PIK3R1: variants seen among roughly 807,000 people sequenced by gnomAD.
PIK3R1 encodes phosphoinositide-3-kinase regulatory subunit 1.
A neutral mutation model predicts 98.0 loss-of-function variants in PIK3R1; 29 were observed. The observed-to-expected ratio is 0.30, with a 90% CI of 0.22 to 0.40. PIK3R1 has a LOEUF of 0.40. Ranked by LOEUF, PIK3R1 falls within the 10% of genes least tolerant of loss-of-function variation. The probability of loss-of-function intolerance (pLI) is 1.00; values close to 1 mark genes in which losing one functional copy is unlikely to be tolerated. For missense variants in PIK3R1, 596 were observed against 872.7 expected, an observed-to-expected ratio of 0.68 and a Z score of 3.99; for synonymous variants, 282 against 311.8, an observed-to-expected ratio of 0.90 and a Z score of 1.01.
Position 68,301,420 on chromosome 5 carries a change from A to ATG in PIK3R1, c.*3820_*3821insGT, listed in dbSNP as rs1395079558. 9.7e-6 allele frequency: 1 copy of ATG among 102,954 alleles called. No homozygotes were observed. Among genetic ancestry groups the ATG allele is most frequent in the Admixed American group, 1.0e-4 (1 of 9,888 alleles). The allele number at this position is 102,954 out of a possible 1,614,324, so 6.4% of individuals were successfully genotyped here. A position where few individuals can be genotyped will look rare whatever the true frequency, so the allele number is the denominator to read the frequency against. ...TATATATATATATATATATATATATATATATATATATATGTGTGTGTATAT... is the reference window on the plus strand; with the variant it reads ...TATATATATATATATATATATATATATGTATATATATATATGTGTGTGTATAT... On this transcript the variant is annotated 3_prime_UTR_variant, in exon 16 of 16. Transcript: ENST00000521381.
At chr5:68,254,836 CTTTTTTTTT>C (rs66853734) in intron 2 of PIK3R1, among the ~76,000 whole-genome samples, 2 of 148,468 alleles carry the variant, frequency 1.3e-5, no homozygotes, top group East Asian at 2.0e-4. Flanking sequence ...TTCTTTTTTT[CTTTTTTTTT>C]TTTATGATGC....
chr5:68,294,450 T>C (rs930184919), intron 11 of PIK3R1, 86 bp from the exon 12 acceptor site: 3 of 966,642 alleles, frequency 3.1e-6, no homozygotes, highest in Admixed American at 2.7e-5. Flanking sequence ...CTGCTAATAA[T>C]ACAGATCAAA....
intron 7 of PIK3R1, among the ~76,000 whole-genome samples, chr5:68,289,726 C>T (rs1452252116): frequency 7.9e-6 from 1 of 125,978 alleles, no homozygotes; most frequent in African/African-American, 3.0e-5. Flanking sequence ...ATATTTGTCC[C>T]GGAGTGAGGC....
intron 2 of PIK3R1, among the ~76,000 whole-genome samples, chr5:68,255,995 G>A (rs1745501011): frequency 6.6e-6 from 1 of 152,180 alleles, no homozygotes; most frequent in African/African-American, 2.4e-5. Flanking sequence ...AAAGGAGTGG[G>A]ATGCTGAATT....
chr5:68,229,228 A>T (rs989306076), intron 2 of PIK3R1, among the ~76,000 whole-genome samples: 2 of 152,228 alleles, frequency 1.3e-5, no homozygotes, highest in Admixed American at 1.3e-4. Context: ...GCGAGAATTC[A>T]ATAGCTCCTA....
At chr5:68,261,978 T>C (rs1304053830) in intron 2 of PIK3R1, among the ~76,000 whole-genome samples, 2 of 152,050 alleles carry the variant, frequency 1.3e-5, no homozygotes, top group Non-Finnish European at 2.9e-5. Context: ...GACTCTGAGA[T>C]GATAATGCAG....
At chr5:68,295,121 T>C (rs1264411216) in intron 12 of PIK3R1, 27 bp from the exon 13 acceptor site, 3 of 1,603,372 alleles carry the variant, frequency 1.9e-6, no homozygotes, top group Non-Finnish European at 2.6e-6. Context: ...ACCCAGATAA[T>C]AACAAATACG....
intron 2 of PIK3R1, among the ~76,000 whole-genome samples, chr5:68,241,984 C>T (rs1025782100): frequency 6.6e-6 from 1 of 152,196 alleles, no homozygotes; most frequent in African/African-American, 2.4e-5. Context: ...TGTATCAAAT[C>T]AGAGACTTAT....
At chr5:68,224,412 T>A (rs1402878195) in intron 1 of PIK3R1, among the ~76,000 whole-genome samples, 4 of 152,228 alleles carry the variant, frequency 2.6e-5, no homozygotes, top group Non-Finnish European at 5.9e-5. Context: ...TAGAGTACTA[T>A]CCCCAATTAA....
chr5:68,269,559 AAATTTGGT>A (rs1746263155), intron 2 of PIK3R1, among the ~76,000 whole-genome samples: 2 of 152,190 alleles, frequency 1.3e-5, no homozygotes, highest in Admixed American at 1.3e-4. Flanking sequence ...ACACCTTGCC[AAATTTGGT>A]AATTCCTAGC....
chr5:68,235,283 A>G (rs898479704), intron 2 of PIK3R1, among the ~76,000 whole-genome samples: 4 of 151,958 alleles, frequency 2.6e-5, no homozygotes, highest in African/African-American at 7.3e-5. Context: ...CATGCCTGTA[A>G]TCCCAGCTAC....
chr5:68,295,100 G>A (rs555084644), intron 12 of PIK3R1, 48 bp from the exon 13 acceptor site: 42 of 1,522,504 alleles, frequency 2.8e-5, no homozygotes, highest in Middle Eastern at 1.8e-4. Context: ...TTTGGGGACC[G>A]TTCCTGATGT....
intron 7 of PIK3R1, among the ~76,000 whole-genome samples, chr5:68,288,933 G>A (rs1048784579): frequency 6.6e-6 from 1 of 152,100 alleles, no homozygotes; most frequent in African/African-American, 2.4e-5. Context: ...GAAAGATAGG[G>A]TTTAGGTTGG....
At chr5:68,216,899 A>G (rs1020501432) in intron 1 of PIK3R1, among the ~76,000 whole-genome samples, 1 of 152,200 alleles carries the variant, frequency 6.6e-6, no homozygotes, top group Non-Finnish European at 1.5e-5. Flanking sequence ...GCAAGGATAT[A>G]TGCAGAATGG....
chr5:68,244,231 T>C (rs139962169), intron 2 of PIK3R1, among the ~76,000 whole-genome samples: 11 of 152,312 alleles, frequency 7.2e-5, no homozygotes, highest in African/African-American at 2.6e-4. Context: ...AAAACAGTTG[T>C]ATGGAGCGTA....
intron 4 of PIK3R1, among the ~76,000 whole-genome samples, chr5:68,276,929 C>T (rs967590513): frequency 2.0e-5 from 3 of 152,132 alleles, no homozygotes; most frequent in Non-Finnish European, 4.4e-5. Flanking sequence ...AGTCCCTGCC[C>T]TTGACGTACC....
At chr5:68,237,048 T>G (rs1303337744) in intron 2 of PIK3R1, among the ~76,000 whole-genome samples, 1 of 152,268 alleles carries the variant, frequency 6.6e-6, no homozygotes, top group Non-Finnish European at 1.5e-5. Flanking sequence ...AAGTTAAATG[T>G]CTGCTTTAAA....
intron 2 of PIK3R1, among the ~76,000 whole-genome samples, chr5:68,253,612 C>T (rs1344029365): frequency 1.3e-5 from 2 of 151,716 alleles, no homozygotes; most frequent in African/African-American, 4.8e-5. Context: ...TTTTAAGGTT[C>T]AGAACCCTAT....
intron 2 of PIK3R1, among the ~76,000 whole-genome samples, chr5:68,232,331 G>A (rs947996659): frequency 3.3e-5 from 5 of 152,146 alleles, no homozygotes; most frequent in African/African-American, 9.7e-5. Flanking sequence ...CCTAATTAGC[G>A]ATTTGTGTAT....
Sources: gnomAD v4.1 joint callset for allele counts (sites outside exome capture counted in the v4.1 genomes callset) on GRCh38, gnomAD v4.1.1 for gene constraint, MANE v1.5 for transcripts, NCBI Gene and HGNC (gene_info 2026-07-23, HGNC 2026-07-21) for gene names.